WDR70: variants seen among roughly 807,000 people sequenced by gnomAD.
WDR70 encodes the protein WD repeat-containing protein 70.
In WDR70, 53 loss-of-function variants were observed where a neutral mutation model predicts 88.6. The observed-to-expected ratio is 0.60, with a 90% CI of 0.48 to 0.75. The LOEUF (loss-of-function observed/expected upper bound fraction) is 0.75. Ranked by LOEUF, WDR70 falls within the 30% of genes least tolerant of loss-of-function variation. The pLI is 0.00. For synonymous variants in WDR70, 280 were observed against 270.0 expected, an observed-to-expected ratio of 1.04 and a Z score of -0.36; for missense variants, 610 against 823.2, an observed-to-expected ratio of 0.74 and a Z score of 3.17.
At chr5:37,659,232 A>T (rs941882463) in intron 10 of WDR70, among the ~76,000 whole-genome samples, 1 of 152,248 alleles carries the variant, frequency 6.6e-6, no homozygotes, top group African/African-American at 2.4e-5. Flanking sequence ...AAATAGATTA[A>T]TACTTCCTAG....
At chr5:37,460,941 C>G (rs534613478) in intron 7 of WDR70, among the ~76,000 whole-genome samples, 6 of 151,434 alleles carry the variant, frequency 4.0e-5, no homozygotes, top group Non-Finnish European at 8.8e-5. Flanking sequence ...TTTTGACTTG[C>G]GTTTCATCTT....
At chr5:37,714,172 G>A (rs1429025301) in intron 13 of WDR70, among the ~76,000 whole-genome samples, 1 of 152,104 alleles carries the variant, frequency 6.6e-6, no homozygotes, top group Non-Finnish European at 1.5e-5. Flanking sequence ...AGCTTTTCCT[G>A]TGTTTTCTTG....
intron 9 of WDR70, among the ~76,000 whole-genome samples, chr5:37,547,543 C>T (rs905435022): frequency 1.3e-5 from 2 of 151,948 alleles, no homozygotes; most frequent in Non-Finnish European, 2.9e-5. Context: ...TTATGGGGTA[C>T]ATGAGATGTT....
Position 37,381,682 on chromosome 5 carries a change from C to G in WDR70, c.172C>G (p.Leu58Val). 6.2e-7 allele frequency: 1 copy of G among 1,610,020 alleles called. No homozygotes were observed. Among genetic ancestry groups the G allele is most frequent in the Non-Finnish European group, 8.5e-7 (1 of 1,177,148 alleles). Residue 58 changes from leucine to valine, a missense_variant, in exon 3 of 18, where the codon CTG (leucine) becomes GTG (valine). Around this residue, in one of 4 missense-constraint regions of WDR70, gnomAD observed 203 missense variants for 228.1 expected, o/e 0.89. Coordinates refer to ENST00000265107, the MANE Select transcript of WDR70 (RefSeq NM_018034.4). ...AGCTGTGGAAAGAAGTCGCAAAACA[C>G]TGGGTAAGAAGCTCAGATATTTGTT... Reference protein sequence around the residue: ...RTAVERSRKTLEAREKEEEMN... With the variant: ...RTAVERSRKTVEAREKEEEMN...
intron 10 of WDR70, among the ~76,000 whole-genome samples, chr5:37,620,767 C>T (rs1366078678): frequency 6.6e-6 from 1 of 152,074 alleles, no homozygotes; most frequent in Non-Finnish European, 1.5e-5. Flanking sequence ...TTTCAGAGGC[C>T]TTGTGAGATA....
chr5:37,514,249 C>A (rs1740808613), intron 8 of WDR70, among the ~76,000 whole-genome samples: 1 of 147,576 alleles, frequency 6.8e-6, no homozygotes, highest in African/African-American at 2.5e-5. Context: ...AAACTGCGGA[C>A]CTTAAGTGAT....
At chr5:37,479,705 GT>G (rs1739599835) in intron 7 of WDR70, 128 bp from the exon 8 acceptor site, 2 of 1,122,090 alleles carry the variant, frequency 1.8e-6, no homozygotes, top group South Asian at 1.6e-5. Context: ...TGAGGTTGAT[GT>G]TCCTGATTTT....
chr5:37,557,904 C>CTCTTTTGAATACTCTTCAAAAGAGTAA (rs1742341442), intron 9 of WDR70, among the ~76,000 whole-genome samples: 2 of 129,256 alleles, frequency 1.5e-5, no homozygotes, highest in Admixed American at 7.8e-5. Flanking sequence ...CAGATTTATA[C>CTCTTTTGAATACTCTTCAAAAGAGTAA]TCTTTTGAAA....
intron 6 of WDR70, among the ~76,000 whole-genome samples, chr5:37,438,474 T>C (rs74779045): frequency 6.6e-6 from 1 of 152,092 alleles, no homozygotes; most frequent in African/African-American, 2.4e-5. Flanking sequence ...GTTTGAGTAA[T>C]CTAAAATATT....
chr5:37,432,500 T>C (rs1434925195), intron 5 of WDR70, among the ~76,000 whole-genome samples: 1 of 151,988 alleles, frequency 6.6e-6, no homozygotes, highest in Non-Finnish European at 1.5e-5. Context: ...GCGATTCTCC[T>C]GCCTCAGCCT....
chr5:37,385,005 A>G (rs1561831909), intron 3 of WDR70, among the ~76,000 whole-genome samples: 2 of 152,192 alleles, frequency 1.3e-5, no homozygotes, highest in African/African-American at 2.4e-5. Flanking sequence ...TTTTGGTTTG[A>G]TAATTAGCTA....
intron 6 of WDR70, among the ~76,000 whole-genome samples, chr5:37,441,713 G>A (rs1027902414): frequency 2.6e-5 from 4 of 151,874 alleles, no homozygotes; most frequent in Admixed American, 1.3e-4. Flanking sequence ...AGCTACTTAG[G>A]AGGCTGAGGC....
chr5:37,729,554 A>G (rs1475902725), intron 17 of WDR70, among the ~76,000 whole-genome samples: 1 of 152,208 alleles, frequency 6.6e-6, no homozygotes, highest in Admixed American at 6.5e-5. Flanking sequence ...TGGCATATAC[A>G]TTAACTAGTT....
chr5:37,549,269 CAT>C (rs1299367268), intron 9 of WDR70, among the ~76,000 whole-genome samples: 1 of 152,168 alleles, frequency 6.6e-6, no homozygotes, highest in East Asian at 1.9e-4. Flanking sequence ...AATCCATGAA[CAT>C]AGAATATTTT....
At chr5:37,623,867 G>T (rs1353201922) in intron 10 of WDR70, among the ~76,000 whole-genome samples, 1 of 152,042 alleles carries the variant, frequency 6.6e-6, no homozygotes, top group African/African-American at 2.4e-5. Context: ...ACTCATATTT[G>T]TAGCCATTTA....
At chr5:37,386,006 G>C (rs959378323) in intron 3 of WDR70, among the ~76,000 whole-genome samples, 2 of 150,824 alleles carry the variant, frequency 1.3e-5, no homozygotes, top group Non-Finnish European at 3.0e-5. Flanking sequence ...GTAGAGACAG[G>C]GTTTCACCCT....
chr5:37,676,719 G>T (rs545152382), intron 10 of WDR70, among the ~76,000 whole-genome samples: 1 of 151,568 alleles, frequency 6.6e-6, no homozygotes, highest in Non-Finnish European at 1.5e-5. Flanking sequence ...TCTCTGCCAG[G>T]CTTTGGTATC....
chr5:37,593,695 T>C (rs1743608847), intron 9 of WDR70, among the ~76,000 whole-genome samples: 2 of 152,204 alleles, frequency 1.3e-5, no homozygotes, highest in Admixed American at 1.3e-4. Flanking sequence ...AAATGGTATT[T>C]CTAGTTCTAG....
chr5:37,647,899 T>TG (rs992922659), intron 10 of WDR70, among the ~76,000 whole-genome samples: 1 of 151,962 alleles, frequency 6.6e-6, no homozygotes, highest in Non-Finnish European at 1.5e-5. Context: ...AGAGAGAGTG[T>TG]GGGGGTGCAG....
Sources: gnomAD v4.1 joint callset for allele counts (sites outside exome capture counted in the v4.1 genomes callset) on GRCh38, gnomAD v4.1.1 for gene constraint, gnomAD v4.1.1 regional missense constraint, MANE v1.5 for transcripts, NCBI Gene and HGNC (gene_info 2026-07-23, HGNC 2026-07-21) for gene names.